NYAP2: variants seen among roughly 807,000 people sequenced by gnomAD.
The protein encoded by NYAP2 is neuronal tyrosine-phosphorylated phosphoinositide-3-kinase adapter 2.
A neutral mutation model predicts 50.4 loss-of-function variants in NYAP2; 23 were observed. The ratio of observed to expected loss-of-function variants is 0.46; its 90% CI spans 0.33 to 0.65. The LOEUF is 0.65. Among genes scored for constraint, NYAP2 ranks in the 30% least tolerant of loss-of-function variants. The pLI, the probability that NYAP2 is intolerant of heterozygous loss-of-function variation, is 0.02. For missense variants in NYAP2, 885 were observed against 861.0 expected (o/e 1.03, Z -0.35); for synonymous variants, 394 against 365.2 (o/e 1.08, Z -0.90).
rs1215458731 is a variant in NYAP2, at chr2:225,521,162, G to A, written c.523+7490G>A. ...TTGCTGAAGTTGCTTATCAGCTTAAGGAGATTTTGGGCTGAGACAATGAGG... is the reference window on the plus strand; with the variant it reads ...TTGCTGAAGTTGCTTATCAGCTTAAAGAGATTTTGGGCTGAGACAATGAGG... On this transcript the variant is annotated intron_variant, in intron 4 of 6. Transcript: ENST00000636099. 3.3e-5 allele frequency among the ~76,000 whole-genome samples: 5 copies of A among 151,106 alleles called. No homozygotes were observed. In the East Asian group the frequency reaches 5.8e-4, roughly 18 times the overall value.
chr2:225,592,655 A>C (rs1198725765), intron 5 of NYAP2, among the ~76,000 whole-genome samples: 2 of 152,188 alleles, frequency 1.3e-5, no homozygotes, highest in African/African-American at 2.4e-5. Flanking sequence ...TGGGACCATG[A>C]CATTGTCTGT....
chr2:225,566,395 C>A (rs1691963225), intron 4 of NYAP2, among the ~76,000 whole-genome samples: 1 of 152,180 alleles, frequency 6.6e-6, no homozygotes, highest in East Asian at 1.9e-4. Context: ...AAAGGATAAT[C>A]CTCAGTAGAC....
intron 5 of NYAP2, among the ~76,000 whole-genome samples, chr2:225,606,515 C>A (rs1017208526): frequency 6.6e-6 from 1 of 152,096 alleles, no homozygotes; most frequent in Admixed American, 6.6e-5. Flanking sequence ...TACATCTTCC[C>A]AACCTATAAA....
chr2:225,626,877 T>C (rs1693218781), intron 5 of NYAP2, 40 bp from the exon 6 acceptor site: 3 of 1,427,780 alleles, frequency 2.1e-6, no homozygotes, highest in South Asian at 2.5e-5. Flanking sequence ...GGAAGAACTT[T>C]ACTCTTGTTT....
intron 5 of NYAP2, among the ~76,000 whole-genome samples, chr2:225,619,883 A>G (rs980552543): frequency 2.0e-5 from 3 of 152,236 alleles, no homozygotes; most frequent in South Asian, 2.1e-4. Context: ...ATAAAATAAT[A>G]CATCCATTTT....
chr2:225,676,151 GTTTAAC>G, the NYAP2 span, among the ~76,000 whole-genome samples: 1 of 152,018 alleles, frequency 6.6e-6, no homozygotes, highest in South Asian at 2.1e-4. Flanking sequence ...GAAGCTCTTA[GTTTAAC>G]TAGGCCCCAC....
chr2:225,456,929 T>C (rs1292351072), intron 3 of NYAP2, among the ~76,000 whole-genome samples: 2 of 152,210 alleles, frequency 1.3e-5, no homozygotes, highest in Non-Finnish European at 2.9e-5. Context: ...CCTTCTTCTG[T>C]GCCCAAGCTA....
At chr2:225,664,920 G>C in the NYAP2 span, among the ~76,000 whole-genome samples, 9 of 152,038 alleles carry the variant, frequency 5.9e-5, no homozygotes, top group African/African-American at 2.2e-4. Flanking sequence ...TGAATATTAG[G>C]AGAAACTATC....
At chr2:225,554,280 C>G (rs2106211699) in intron 4 of NYAP2, among the ~76,000 whole-genome samples, 1 of 150,932 alleles carries the variant, frequency 6.6e-6, no homozygotes, top group East Asian at 1.9e-4. Flanking sequence ...AAAAATTTCC[C>G]AATCTAAAAC....
At chr2:225,466,154 T>A (rs1053494058) in intron 3 of NYAP2, among the ~76,000 whole-genome samples, 4 of 152,222 alleles carry the variant, frequency 2.6e-5, no homozygotes, top group Admixed American at 6.5e-5. Context: ...AAATAACACA[T>A]ACACAACATT....
chr2:225,607,233 C>T (rs1242999933), intron 5 of NYAP2, among the ~76,000 whole-genome samples: 3 of 151,986 alleles, frequency 2.0e-5, no homozygotes, highest in South Asian at 4.1e-4. Flanking sequence ...CTTATTTGAG[C>T]GATGGGTACA....
At chr2:225,699,791 A>G in the NYAP2 span, 1 of 151,854 alleles carries the variant, frequency 6.6e-6, no homozygotes, top group East Asian at 1.9e-4. Flanking sequence ...GGTGGATTCA[A>G]TTTTATGTAG....
intron 5 of NYAP2, among the ~76,000 whole-genome samples, chr2:225,592,553 T>C (rs1198299900): frequency 6.6e-6 from 1 of 152,246 alleles, no homozygotes; most frequent in Non-Finnish European, 1.5e-5. Flanking sequence ...TGTTATGTTT[T>C]TAAAGTGAAG....
intron 5 of NYAP2, among the ~76,000 whole-genome samples, chr2:225,612,445 G>A (rs1323890505): frequency 6.6e-6 from 1 of 151,926 alleles, no homozygotes; most frequent in African/African-American, 2.4e-5. Context: ...ACTGGCATTG[G>A]GGAGCTTACA....
intron 5 of NYAP2, among the ~76,000 whole-genome samples, chr2:225,591,812 C>T (rs991836797): frequency 6.6e-6 from 1 of 152,150 alleles, no homozygotes; most frequent in Non-Finnish European, 1.5e-5. Context: ...GGGCTCATGA[C>T]GTTATTCTCA....
At chr2:225,459,876 T>G (rs556256732) in intron 3 of NYAP2, among the ~76,000 whole-genome samples, 4 of 152,234 alleles carry the variant, frequency 2.6e-5, no homozygotes, top group African/African-American at 9.6e-5. Flanking sequence ...GGTTTCACCG[T>G]GTTAGCCCGG....
At chr2:225,580,910 T>C (rs1253289553) in intron 4 of NYAP2, among the ~76,000 whole-genome samples, 3 of 152,202 alleles carry the variant, frequency 2.0e-5, no homozygotes, top group African/African-American at 7.2e-5. Flanking sequence ...GCAACCACAT[T>C]CTGCTACATT....
chr2:225,697,828 A>C, the NYAP2 span, among the ~76,000 whole-genome samples: 1 of 151,952 alleles, frequency 6.6e-6, no homozygotes, highest in Non-Finnish European at 1.5e-5. Flanking sequence ...ATTTGTTTAT[A>C]GTTTCCATTC....
intron 4 of NYAP2, among the ~76,000 whole-genome samples, chr2:225,522,827 C>T (rs965980885): frequency 3.3e-5 from 5 of 152,120 alleles, no homozygotes; most frequent in Non-Finnish European, 5.9e-5. Context: ...ATGACAAACA[C>T]GTGCCTTTCT....
Sources: allele counts gnomAD v4.1 joint callset (sites outside exome capture counted in the v4.1 genomes callset), GRCh38; gene constraint gnomAD v4.1.1; transcripts MANE v1.5; gene names NCBI Gene and HGNC (gene_info 2026-07-23, HGNC 2026-07-21).